The following COL8A1 variants were observed in gnomAD, a reference collection of about 807,000 sequenced individuals.
COL8A1 encodes the protein collagen type VIII alpha 1 chain.
Under a neutral mutation model 42.7 loss-of-function variants are expected in COL8A1, and 21 were observed. That is an observed-to-expected ratio of 0.49 (90% CI 0.35 to 0.71). COL8A1 has a LOEUF of 0.71. COL8A1 is among the 30% of genes least tolerant of loss of function. COL8A1 has a pLI of 0.01. For missense variants in COL8A1, 788 were observed against 962.4 expected (o/e 0.82, Z 2.40); for synonymous variants, 367 against 369.1 (o/e 0.99, Z 0.06).
intron 1 of COL8A1, among the ~76,000 whole-genome samples, chr3:99,674,209 G>T (rs184814018): frequency 6.6e-6 from 1 of 151,764 alleles, no homozygotes; most frequent in East Asian, 1.9e-4. Context: ...GAAATCTCTC[G>T]GGAATGGAGG....
chr3:99,721,502 C>A (rs1468961024), intron 1 of COL8A1, among the ~76,000 whole-genome samples: 1 of 151,174 alleles, frequency 6.6e-6, no homozygotes. Context: ...ATGGTCAGGG[C>A]TGAGAGAGAG....
chr3:99,681,793 A>G (rs1015126419), intron 1 of COL8A1, among the ~76,000 whole-genome samples: 3 of 152,232 alleles, frequency 2.0e-5, no homozygotes, highest in Non-Finnish European at 4.4e-5. Flanking sequence ...GGGCTTCTAT[A>G]CTGAGGCTTG....
intron 1 of COL8A1, among the ~76,000 whole-genome samples, chr3:99,682,360 G>T (rs1396965692): frequency 6.6e-6 from 1 of 152,156 alleles, no homozygotes; most frequent in Non-Finnish European, 1.5e-5. Context: ...CAAGGCTGCA[G>T]TGAGCCAAGA....
chr3:99,655,446 A>T (rs1937987307), intron 1 of COL8A1, among the ~76,000 whole-genome samples: 1 of 152,212 alleles, frequency 6.6e-6, no homozygotes, highest in African/African-American at 2.4e-5. Flanking sequence ...TATACAATGA[A>T]AACTGGTGGT....
rs369506449 is a variant in COL8A1, at chr3:99,794,802, A to G, written c.901A>G (p.Ile301Val). ...AGGAGAACCTGGGCCACAAGGCCCT[A>G]TTGGGGTACCGGGGGTTCAAGGACC... Reference protein sequence around the residue: ...APGEPGPQGPIGVPGVQGPPG... With the variant: ...APGEPGPQGPVGVPGVQGPPG... Residue 301 changes from isoleucine to valine, a missense_variant, in exon 4 of 4, where the codon ATT becomes GTT. Coordinates refer to ENST00000652472, the MANE Select transcript of COL8A1 (RefSeq NM_020351.4). This position sits in a 1 kb window ranked among gnomAD's most constrained non-coding sequence, Gnocchi z 4.3. The G allele has an allele frequency of 3.5e-5, 57 of 1,610,910 alleles. No individual in the cohort carries two copies. In the African/African-American group the frequency reaches 6.4e-4, roughly 18 times the overall value.
chr3:99,776,912 C>T (rs905499364), intron 2 of COL8A1, among the ~76,000 whole-genome samples: 3 of 152,086 alleles, frequency 2.0e-5, no homozygotes, highest in African/African-American at 7.2e-5. Context: ...TCATGGTGCT[C>T]GTGGGAGTGT....
Position 99,790,747 on chromosome 3 carries a change from T to G in COL8A1, c.65T>G (p.Ile22Ser), listed in dbSNP as rs374063418. 63 of 1,614,064 alleles carry G rather than the reference T, an allele frequency of 3.9e-5. No individual in the cohort carries two copies. Among genetic ancestry groups the G allele is most frequent in the Non-Finnish European group, 5.2e-5 (61 of 1,180,052 alleles). The change falls in exon 3 of 4, where the codon ATC (isoleucine) becomes AGC (serine). Residue 22 changes from isoleucine to serine, a missense_variant. Transcript: ENST00000652472. ...CTGCTTACCATTTCCCTGAGTTCCA[T>G]CAGGCTCATTCAGGCTGGTGCCTAC... ...GVLLTISLSS[I>S]RLIQAGAYYG...
intron 1 of COL8A1, among the ~76,000 whole-genome samples, chr3:99,655,093 C>A (rs1454838440): frequency 2.6e-5 from 4 of 152,176 alleles, no homozygotes; most frequent in Non-Finnish European, 4.4e-5. Context: ...ACTTAGAGAA[C>A]AAATGCACGG....
intron 1 of COL8A1, among the ~76,000 whole-genome samples, chr3:99,738,697 C>A (rs1329445679): frequency 6.6e-6 from 1 of 152,190 alleles, no homozygotes; most frequent in Non-Finnish European, 1.5e-5. Context: ...GCCCTGCCCC[C>A]AGAGGTGGAG....
intron 2 of COL8A1, among the ~76,000 whole-genome samples, chr3:99,764,073 T>A (rs1941413879): frequency 6.6e-6 from 1 of 152,114 alleles, no homozygotes; most frequent in Non-Finnish European, 1.5e-5. Context: ...AAGAACAGCC[T>A]CCTCCTCCTC....
intron 1 of COL8A1, among the ~76,000 whole-genome samples, chr3:99,708,633 T>C (rs527874739): frequency 4.3e-4 from 66 of 152,292 alleles, no homozygotes; most frequent in Non-Finnish European, 6.9e-4. Context: ...GTGGCTTTCT[T>C]GGAACCCTGT....
chr3:99,770,029 C>A (rs913519985), intron 2 of COL8A1, among the ~76,000 whole-genome samples: 15 of 152,122 alleles, frequency 9.9e-5, no homozygotes, highest in Non-Finnish European at 1.5e-4. Context: ...GACATGGGAG[C>A]CTTCAGAAAT....
intron 1 of COL8A1, among the ~76,000 whole-genome samples, chr3:99,659,222 C>T (rs1411963861): frequency 1.3e-5 from 2 of 152,176 alleles, no homozygotes; most frequent in Admixed American, 1.3e-4. Flanking sequence ...GAGCTAACGC[C>T]TAGCTGGCTC....
At chr3:99,696,644 C>T (rs982346382) in intron 1 of COL8A1, among the ~76,000 whole-genome samples, 61 of 152,208 alleles carry the variant, frequency 4.0e-4, no homozygotes, top group Non-Finnish European at 1.3e-4. Flanking sequence ...GAGATTCCAT[C>T]TACCAGGGCT....
chr3:99,706,576 A>T (rs1384177955), intron 1 of COL8A1, among the ~76,000 whole-genome samples: 1 of 152,198 alleles, frequency 6.6e-6, no homozygotes, highest in Non-Finnish European at 1.5e-5. Context: ...TGTTGTTACC[A>T]AATGCCCTTT....
intron 1 of COL8A1, among the ~76,000 whole-genome samples, chr3:99,670,855 G>T (rs1029019729): frequency 1.3e-5 from 2 of 151,652 alleles, no homozygotes; most frequent in South Asian, 4.2e-4. Flanking sequence ...TCTATGGCTG[G>T]TTTAAGGTAC....
intron 1 of COL8A1, among the ~76,000 whole-genome samples, chr3:99,735,955 T>C (rs1464066349): frequency 6.6e-6 from 1 of 152,114 alleles, no homozygotes; most frequent in African/African-American, 2.4e-5. Context: ...GTTTGTAGTA[T>C]TCTCTGATGG....
intron 1 of COL8A1, among the ~76,000 whole-genome samples, chr3:99,663,889 T>C (rs1176343062): frequency 6.6e-6 from 1 of 152,040 alleles, no homozygotes; most frequent in Non-Finnish European, 1.5e-5. Context: ...AATCTATGAG[T>C]TCTATCAAAT....
chr3:99,653,907 G>T (rs1437967827), intron 1 of COL8A1, among the ~76,000 whole-genome samples: 1 of 152,054 alleles, frequency 6.6e-6, no homozygotes, highest in Non-Finnish European at 1.5e-5. Context: ...GTTTATTAAG[G>T]ATTACTGGCT....
Sources: allele counts gnomAD v4.1 joint callset (sites outside exome capture counted in the v4.1 genomes callset), GRCh38; gene constraint gnomAD v4.1.1; non-coding constraint Gnocchi (gnomAD v3.1); transcripts MANE v1.5; gene names NCBI Gene and HGNC (gene_info 2026-07-23, HGNC 2026-07-21).